Variants in MICAL3 observed in about 807,000 individuals in gnomAD.
MICAL3 encodes microtubule associated monooxygenase, calponin and LIM domain containing 3.
A neutral mutation model predicts 207.4 loss-of-function variants in MICAL3; 62 were observed. That is an observed-to-expected ratio of 0.30 (90% CI 0.24 to 0.37). The LOEUF (loss-of-function observed/expected upper bound fraction) is 0.37. Ranked by LOEUF, MICAL3 falls within the 10% of genes least tolerant of loss-of-function variation. The probability of loss-of-function intolerance (pLI) is 1.00; values close to 1 mark genes in which losing one functional copy is unlikely to be tolerated. For synonymous variants in MICAL3, 1,077 were observed against 1,069.3 expected, an observed-to-expected ratio of 1.01 and a Z score of -0.14; for missense variants, 2,368 against 2,635.6, an observed-to-expected ratio of 0.90 and a Z score of 2.22.
At position 17,956,750 on chromosome 22, in the gene MICAL3, C is replaced by T. The variant is rs189037666; in HGVS notation, c.-74-49864G>A. Among the ~76,000 whole-genome samples, 31 of 152,274 alleles carry T rather than the reference C, an allele frequency of 2.0e-4. 1 individual carries two copies. The highest frequency in any genetic ancestry group is 1.5e-3 in the East Asian group (8 of 5,182). On this transcript the variant is annotated intron_variant, in intron 1 of 31. Coordinates refer to ENST00000441493, the MANE Select transcript of MICAL3 (RefSeq NM_015241.3). Reference sequence around the variant, plus strand: ...CTGTGTCTGGAGGGAGGACTGCTTACGTGCATACAGGGCAGGAAGAAGTGG... The same window carrying T: ...CTGTGTCTGGAGGGAGGACTGCTTATGTGCATACAGGGCAGGAAGAAGTGG...
At chr22:17,875,635 G>A in intron 16 of MICAL3, 1 of 681,104 alleles carries the variant, frequency 1.5e-6, no homozygotes, top group Non-Finnish European at 2.3e-6. Flanking sequence ...ACATAAGATG[G>A]TTGTAGAGCC....
chr22:17,917,126 A>T (rs1387935918), intron 1 of MICAL3, among the ~76,000 whole-genome samples: 1 of 151,896 alleles, frequency 6.6e-6, no homozygotes, highest in Non-Finnish European at 1.5e-5. Flanking sequence ...TGTGCCCTGG[A>T]GGATCCTCCC....
At chr22:17,808,969 C>A (rs1214777914) in intron 28 of MICAL3, 32 bp from the exon 29 acceptor site, 1 of 1,520,310 alleles carries the variant, frequency 6.6e-7, no homozygotes, top group Admixed American at 2.0e-5. Context: ...GAGCACCCGG[C>A]TCTCCAGCCC....
rs190850456 is a variant in MICAL3, at chr22:17,939,671, G to C, written c.-74-32785C>G. ...GCATCAATGATTTCCAAAGGAGCTA[G>C]ACAAACACTTTTTTCCACATGTAGA... On this transcript the variant is annotated intron_variant, in intron 1 of 31. Coordinates refer to ENST00000441493, the MANE Select transcript of MICAL3 (RefSeq NM_015241.3). Among the ~76,000 whole-genome samples, 488 of 152,348 alleles carry C rather than the reference G, an allele frequency of 3.2e-3. 18 individuals carry two copies. The highest frequency in any genetic ancestry group is 0.029 in the Admixed American group (440 of 15,302).
In MICAL3 at chr22:17,876,796, A is replaced by AGGTTATGGAGGTTATGGC. The variant is rs1928466069; in HGVS notation, c.2242-4774_2242-4773insGCCATAACCTCCATAACC. On this transcript the variant is annotated intron_variant, in intron 16 of 31. Coordinates refer to ENST00000441493, the MANE Select transcript of MICAL3 (RefSeq NM_015241.3). ...GTTATGGAGGTTAGGGAGGTTAGGG[A>AGGTTATGGAGGTTATGGC]AGTTATGGAGGTTAGGGAGGTTAGG... 3 of 120,160 alleles carry AGGTTATGGAGGTTATGGC rather than the reference A, an allele frequency of 2.5e-5. 1 individual carries two copies. The highest frequency in any genetic ancestry group is 2.4e-4 in the East Asian group (1 of 4,156). The allele number at this position is 120,160 out of a possible 1,614,324, so 7.4% of individuals were successfully genotyped here.
chr22:17,832,941 C>T (rs555134467), intron 20 of MICAL3, among the ~76,000 whole-genome samples: 29 of 152,286 alleles, frequency 1.9e-4, no homozygotes, highest in Admixed American at 5.9e-4. Context: ...AGGACAGAGA[C>T]GATGGGGAAA....
At chr22:17,865,807 C>T in intron 18 of MICAL3, 117 bp downstream of exon 18, 6 of 799,044 alleles carry the variant, frequency 7.5e-6, no homozygotes, top group Non-Finnish European at 6.5e-6. Context: ...CGGGCCCTCC[C>T]CGTTCCCAGG....
chr22:17,886,798 C>G (rs1216041225), intron 15 of MICAL3, among the ~76,000 whole-genome samples: 2 of 118,378 alleles, frequency 1.7e-5, no homozygotes, highest in Admixed American at 1.9e-4. Context: ...GAGCCAGACT[C>G]TGTCTCAAAA....
chr22:17,960,816 C>T lies in MICAL3; in HGVS notation c.-74-53930G>A, dbSNP rs571788242. 7.9e-5 allele frequency among the ~76,000 whole-genome samples: 12 copies of T among 152,188 alleles called. No homozygotes were observed. The East Asian group carries it at 1.7e-3, about 22-fold the overall frequency. Reference sequence around the variant, plus strand: ...AAGCTGTGCCAGGGAGATTCTGAGGCGAGCAGGAGCAGAGCAAGGACCGAA... The same window carrying T: ...AAGCTGTGCCAGGGAGATTCTGAGGTGAGCAGGAGCAGAGCAAGGACCGAA... On this transcript the variant is annotated intron_variant, in intron 1 of 31. Transcript: ENST00000441493.
intron 17 of MICAL3, among the ~76,000 whole-genome samples, chr22:17,871,457 T>G (rs1011992657): frequency 6.6e-6 from 1 of 152,196 alleles, no homozygotes; most frequent in Admixed American, 6.5e-5. Context: ...GCTGTCATCA[T>G]CAACCTTAGG....
intron 21 of MICAL3, among the ~76,000 whole-genome samples, chr22:17,830,183 C>A (rs1922646957): frequency 6.6e-6 from 1 of 152,136 alleles, no homozygotes; most frequent in Admixed American, 6.5e-5. Context: ...GAGACCCACA[C>A]AGCATCAGGA....
In MICAL3 at chr22:17,790,992, A is replaced by C; in HGVS notation, c.5824+6T>G. 6.2e-7 allele frequency: 1 copy of C among 1,612,038 alleles called. No individual in the cohort carries two copies. Among genetic ancestry groups the C allele is most frequent in the South Asian group, 1.1e-5 (1 of 91,026 alleles). The stretch of plus-strand genomic sequence containing the variant: ...CTGGCCTCCATGGGTGCCTTACCCC[A>C]CTCACCTTCCACTGCCATGCGTTCC... On this transcript the variant is annotated splice_donor_region_variant and intron_variant, in intron 31 of 31. Transcript: ENST00000441493.
At chr22:18,004,136 G>A (rs1227344362) in intron 1 of MICAL3, 1 of 152,194 alleles carries the variant, frequency 6.6e-6, no homozygotes, top group Non-Finnish European at 1.5e-5. Context: ...GCTCTGGAAA[G>A]TGCATCCCTC....
rs2061816068 is a variant in MICAL3, at chr22:17,790,680, C to G, written c.*52G>C. On this transcript the variant is annotated 3_prime_UTR_variant, in exon 32 of 32. Coordinates refer to ENST00000441493, the MANE Select transcript of MICAL3 (RefSeq NM_015241.3). ...ATCGCGGCTCCGGGTGGTTTGGATG[C>G]CACTGCCTGGCCAGGCGGATGCCAA... 5.2e-5 allele frequency: 79 copies of G among 1,510,842 alleles called. 2 individuals carry two copies. In the South Asian group the frequency reaches 9.6e-4, roughly 18 times the overall value. 93.6% of individuals were successfully genotyped at this position (1,510,842 alleles called of 1,614,324 possible).
chr22:17,906,467 T>C lies in MICAL3; in HGVS notation c.264+82A>G, dbSNP rs1931726687. On this transcript the variant is annotated intron_variant, in intron 2 of 31. Coordinates refer to ENST00000441493, the MANE Select transcript of MICAL3 (RefSeq NM_015241.3). ...CCCAGACCTTGTAGATCATATATGGTGAATGGCCAGAGATGCAAGACGTTG... is the reference window on the plus strand; with the variant it reads ...CCCAGACCTTGTAGATCATATATGGCGAATGGCCAGAGATGCAAGACGTTG... 4 of 1,608,848 alleles carry C rather than the reference T, an allele frequency of 2.5e-6. 1 individual carries two copies. The Admixed American group carries it at 6.7e-5, about 27-fold the overall frequency.
At chr22:17,890,796 C>T (rs1199738010) in intron 12 of MICAL3, among the ~76,000 whole-genome samples, 4 of 152,314 alleles carry the variant, frequency 2.6e-5, no homozygotes, top group East Asian at 1.9e-4. Context: ...CTGAATCCTT[C>T]GGTTTGGCTT....
chr22:17,970,804 A>G (rs1910540417), intron 1 of MICAL3, among the ~76,000 whole-genome samples: 1 of 150,016 alleles, frequency 6.7e-6, no homozygotes, highest in African/African-American at 2.4e-5. Flanking sequence ...CGTCTTTCCT[A>G]TTATATTTAT....
At chr22:17,967,480 A>ACG (rs1935194271) in intron 1 of MICAL3, among the ~76,000 whole-genome samples, 1 of 133,092 alleles carries the variant, frequency 7.5e-6, no homozygotes, top group Non-Finnish European at 1.6e-5. Flanking sequence ...ACACACACAC[A>ACG]CACACACACA....
chr22:17,855,583 G>A (rs756533267), intron 19 of MICAL3, among the ~76,000 whole-genome samples: 3 of 152,200 alleles, frequency 2.0e-5, no homozygotes, highest in Non-Finnish European at 4.4e-5. Context: ...GGCTGGATTC[G>A]AGAGGACCAA....
Sources: allele counts gnomAD v4.1 joint callset (sites outside exome capture counted in the v4.1 genomes callset), GRCh38; gene constraint gnomAD v4.1.1; transcripts MANE v1.5; gene names NCBI Gene and HGNC (gene_info 2026-07-23, HGNC 2026-07-21).